The following CFAP58 variants were observed in gnomAD, a reference collection of about 807,000 sequenced individuals.
The protein encoded by CFAP58 is cilia and flagella associated protein 58.
In CFAP58, 88 loss-of-function variants were observed where a neutral mutation model predicts 119.5. The observed-to-expected ratio is 0.74, with a 90% CI of 0.62 to 0.88. The LOEUF (loss-of-function observed/expected upper bound fraction) is 0.88, where lower values mean the gene tolerates loss of function less well. CFAP58 is among the 40% of genes least tolerant of loss of function. The probability of loss-of-function intolerance (pLI) is 0.00; values close to 1 mark genes in which losing one functional copy is unlikely to be tolerated. For synonymous variants in CFAP58, 365 were observed against 366.3 expected, an observed-to-expected ratio of 1.00 and a Z score of 0.04; for missense variants, 990 against 1,021.2, an observed-to-expected ratio of 0.97 and a Z score of 0.42.
intron 15 of CFAP58, among the ~76,000 whole-genome samples, chr10:104,408,836 T>C (rs770483563): frequency 2.0e-5 from 3 of 152,194 alleles, no homozygotes; most frequent in Non-Finnish European, 2.9e-5. Flanking sequence ...CAGTGGATCA[T>C]GCCTATAATC....
chr10:104,428,530 C>A (rs1236259264), intron 15 of CFAP58, among the ~76,000 whole-genome samples: 2 of 152,182 alleles, frequency 1.3e-5, no homozygotes, highest in Non-Finnish European at 2.9e-5. Context: ...CAGCCCTACT[C>A]CCTGAGTCTA....
chr10:104,405,232 A>C (rs530247403), intron 14 of CFAP58, among the ~76,000 whole-genome samples: 1 of 152,370 alleles, frequency 6.6e-6, no homozygotes, highest in East Asian at 1.9e-4. Context: ...TTTCTTAAGC[A>C]AAGTCAGAGT....
chr10:104,427,597 A>G (rs1419261934), intron 15 of CFAP58, among the ~76,000 whole-genome samples: 4 of 152,046 alleles, frequency 2.6e-5, no homozygotes, highest in East Asian at 1.9e-4. Context: ...TCTAACACAC[A>G]CTCACAACAT....
At chr10:104,338,763 G>T in the CFAP58 span, among the ~76,000 whole-genome samples, 2 of 152,246 alleles carry the variant, frequency 1.3e-5, no homozygotes. Context: ...CTTACCAGTC[G>T]GGGAGAGTTT....
At chr10:104,396,714 T>A (rs923017097) in intron 11 of CFAP58, among the ~76,000 whole-genome samples, 1 of 152,236 alleles carries the variant, frequency 6.6e-6, no homozygotes, top group African/African-American at 2.4e-5. Flanking sequence ...TCCCGCCATC[T>A]CATTATAACT....
chr10:104,376,502 C>CAAAA (rs1282859666), intron 7 of CFAP58, among the ~76,000 whole-genome samples: 2 of 48,244 alleles, frequency 4.1e-5, no homozygotes, highest in African/African-American at 1.3e-4. Flanking sequence ...AACTCCGTCT[C>CAAAA]AAAAAAAAAA....
Position 104,362,227 on chromosome 10 carries a change from A to G in CFAP58, c.440+56A>G, listed in dbSNP as rs900088465. The G allele has an allele frequency of 2.7e-6, 4 of 1,489,642 alleles. No individual in the cohort carries two copies. In the African/African-American group the frequency reaches 5.6e-5, roughly 21 times the overall value. 92.3% of individuals were successfully genotyped at this position (1,489,642 alleles called of 1,614,324 possible). ...ACTTGCTTTTGCAGAGGTCTCCTTCAGTAGACAGCCTGGGGCTTGCCAGTG... is the reference window on the plus strand; with the variant it reads ...ACTTGCTTTTGCAGAGGTCTCCTTCGGTAGACAGCCTGGGGCTTGCCAGTG... On this transcript the variant is annotated intron_variant, in intron 3 of 17. Coordinates refer to ENST00000369704, the MANE Select transcript of CFAP58 (RefSeq NM_001008723.2).
chr10:104,389,471 A>AT (rs577713783), intron 9 of CFAP58, among the ~76,000 whole-genome samples: 1 of 151,888 alleles, frequency 6.6e-6, no homozygotes, highest in Non-Finnish European at 1.5e-5. Context: ...TGAACAAACA[A>AT]TTTTTTTCCT....
intron 15 of CFAP58, among the ~76,000 whole-genome samples, chr10:104,433,439 G>T (rs557736014): frequency 1.3e-5 from 2 of 152,336 alleles, no homozygotes; most frequent in South Asian, 4.1e-4. Flanking sequence ...GGGTCTTGAA[G>T]GATGGGAATT....
Position 104,454,464 on chromosome 10 carries a change from C to T in CFAP58, c.2553C>T (p.Val851=), listed in dbSNP as rs950595858. 2.0e-5 allele frequency: 32 copies of T among 1,613,794 alleles called. No individual in the cohort carries two copies. Among genetic ancestry groups the T allele is most frequent in the Non-Finnish European group, 2.7e-5 (32 of 1,179,864 alleles). ...CCATGGATAACACCTTCTTAATGGT[C>T]AAACCAAATGGTCCTGGTTTTACTG... The part of the protein sequence containing the change: ...TAPMDNTFLM[V]KPNGPGFTGG... Residue 851 remains valine, a synonymous_variant, in exon 18 of 18, where the codon GTC becomes GTT. Coordinates refer to ENST00000369704, the MANE Select transcript of CFAP58 (RefSeq NM_001008723.2).
intron 8 of CFAP58, 93 bp from the exon 9 acceptor site, chr10:104,379,936 T>C (rs1393542431): frequency 5.9e-6 from 6 of 1,009,402 alleles, no homozygotes; most frequent in South Asian, 1.6e-5. Flanking sequence ...AGACAAGATA[T>C]CTAATTATGT....
chr10:104,389,274 G>T (rs557194548), intron 9 of CFAP58, among the ~76,000 whole-genome samples: 1 of 152,146 alleles, frequency 6.6e-6, no homozygotes, highest in African/African-American at 2.4e-5. Flanking sequence ...TGTCCTGACG[G>T]GTTCTTATTA....
At chr10:104,381,497 A>G (rs2011802855) in intron 9 of CFAP58, among the ~76,000 whole-genome samples, 1 of 152,172 alleles carries the variant, frequency 6.6e-6, no homozygotes, top group South Asian at 2.1e-4. Context: ...GACTCATTTA[A>G]TCACCTTTTC....
chr10:104,370,676 T>G (rs1362503066), intron 6 of CFAP58, among the ~76,000 whole-genome samples: 1 of 152,204 alleles, frequency 6.6e-6, no homozygotes, highest in Non-Finnish European at 1.5e-5. Context: ...TTTATTATTT[T>G]TAGTTTATAA....
At chr10:104,350,448 G>A (rs867274797), upstream of CFAP58, among the ~76,000 whole-genome samples, 2 of 152,156 alleles carry the variant, frequency 1.3e-5, no homozygotes, top group African/African-American at 2.4e-5. Flanking sequence ...CAAACATTTT[G>A]TTTCATCAGC....
intron 15 of CFAP58, among the ~76,000 whole-genome samples, chr10:104,430,753 G>A (rs1258639304): frequency 2.0e-5 from 3 of 152,190 alleles, no homozygotes; most frequent in African/African-American, 7.2e-5. Context: ...TGTGAGCCAT[G>A]TGTGTGATTT....
chr10:104,347,334 C>A, the CFAP58 span, among the ~76,000 whole-genome samples: 1 of 152,098 alleles, frequency 6.6e-6, no homozygotes, highest in African/African-American at 2.4e-5. Flanking sequence ...ATGTCAAATG[C>A]TCAACAAATG....
chr10:104,428,616 G>A (rs2012791960), intron 15 of CFAP58, among the ~76,000 whole-genome samples: 3 of 152,204 alleles, frequency 2.0e-5, no homozygotes, highest in African/African-American at 7.2e-5. Context: ...ATGAGTGCAA[G>A]TTGCAAGCCC....
chr10:104,368,494 T>C lies in CFAP58; in HGVS notation c.864T>C (p.Asn288=). ...GAAATGCTAAACTTCAGCAAGAGAATGAACAGCACAGTTTGGTCTGTGAGC... is the reference window on the plus strand; with the variant it reads ...GAAATGCTAAACTTCAGCAAGAGAACGAACAGCACAGTTTGGTCTGTGAGC... ...QMRNAKLQQE[N]EQHSLVCEQL... Residue 288 remains asparagine (N), a synonymous_variant, in exon 6 of 18, where the codon AAT becomes AAC. Transcript: ENST00000369704. 6.2e-7 allele frequency: 1 copy of C among 1,614,046 alleles called. No individual in the cohort carries two copies. Among genetic ancestry groups the C allele is most frequent in the Admixed American group, 1.7e-5 (1 of 59,994 alleles).
Sources: allele counts gnomAD v4.1 joint callset (sites outside exome capture counted in the v4.1 genomes callset), GRCh38; gene constraint gnomAD v4.1.1; transcripts MANE v1.5; gene names NCBI Gene and HGNC (gene_info 2026-07-23, HGNC 2026-07-21).